Variants in BICRAL observed in about 807,000 individuals in gnomAD.
BICRAL encodes BRD4-interacting chromatin-remodeling complex-associated protein-like.
A neutral mutation model predicts 91.8 loss-of-function variants in BICRAL; 8 were observed. The ratio of observed to expected loss-of-function variants is 0.09; its 90% CI spans 0.05 to 0.16. The LOEUF is 0.16. Ranked by LOEUF, BICRAL falls within the 10% of genes least tolerant of loss-of-function variation. The pLI, the probability that BICRAL is intolerant of heterozygous loss-of-function variation, is 1.00. For synonymous variants in BICRAL, 445 were observed against 491.1 expected, an observed-to-expected ratio of 0.91 and a Z score of 1.24; for missense variants, 1,038 against 1,310.9, an observed-to-expected ratio of 0.79 and a Z score of 3.21.
chr6:42,834,296 A>G (rs1480773729), intron 6 of BICRAL, among the ~76,000 whole-genome samples: 1 of 152,218 alleles, frequency 6.6e-6, no homozygotes, highest in Non-Finnish European at 1.5e-5. Context: ...CTCACCTTGA[A>G]CACTTGCATA....
At chr6:42,768,465 G>C (rs977113318) in intron 1 of BICRAL, among the ~76,000 whole-genome samples, 2 of 152,176 alleles carry the variant, frequency 1.3e-5, no homozygotes, top group African/African-American at 4.8e-5. Flanking sequence ...ACAAAAGGAG[G>C]AGCTGCTTCT....
chr6:42,867,513 T>C lies in BICRAL; in HGVS notation c.*2067T>C, dbSNP rs1442320454. The C allele has an allele frequency of 6.6e-6, 1 of 152,628 alleles. No homozygotes were observed. The highest frequency in any genetic ancestry group is 1.9e-4 in the East Asian group (1 of 5,202). 9.5% of individuals were successfully genotyped at this position (152,628 alleles called of 1,614,324 possible). The stretch of plus-strand genomic sequence containing the variant: ...AACTCCATGATTTCATAGGCTTTTC[T>C]TCCCTTGGGGCTCATGCTCCCCTAA... On this transcript the variant is annotated 3_prime_UTR_variant, in exon 13 of 13. Transcript: ENST00000314073.
At chr6:42,856,925 G>A (rs1026912876) in intron 9 of BICRAL, among the ~76,000 whole-genome samples, 166 bp from the exon 10 acceptor site, 6 of 151,752 alleles carry the variant, frequency 4.0e-5, no homozygotes, top group African/African-American at 1.5e-4. Context: ...TCCTCTGTGG[G>A]GCTAGTTAAA....
intron 1 of BICRAL, among the ~76,000 whole-genome samples, chr6:42,755,699 T>C (rs1402006388): frequency 2.6e-5 from 4 of 151,396 alleles, no homozygotes; most frequent in African/African-American, 9.7e-5. Flanking sequence ...AGATGGAGTC[T>C]TGCTCTGTTG....
intron 1 of BICRAL, among the ~76,000 whole-genome samples, chr6:42,763,048 C>A (rs922260548): frequency 6.6e-6 from 1 of 152,126 alleles, no homozygotes; most frequent in Admixed American, 6.6e-5. Flanking sequence ...GAGCCTCTGC[C>A]CCTTATTGTC....
chr6:42,769,585 GAC>G (rs1305838306), intron 1 of BICRAL, among the ~76,000 whole-genome samples: 1 of 152,182 alleles, frequency 6.6e-6, no homozygotes, highest in Non-Finnish European at 1.5e-5. Flanking sequence ...GGAGCTACAT[GAC>G]ACAGAGTCTG....
chr6:42,768,775 G>C (rs976756285), intron 1 of BICRAL, among the ~76,000 whole-genome samples: 1 of 152,050 alleles, frequency 6.6e-6, no homozygotes, highest in Non-Finnish European at 1.5e-5. Flanking sequence ...CAAAATGGTG[G>C]CATTGCCCCC....
At chr6:42,807,982 G>A (rs1402172831) in intron 1 of BICRAL, among the ~76,000 whole-genome samples, 1 of 151,922 alleles carries the variant, frequency 6.6e-6, no homozygotes, top group Non-Finnish European at 1.5e-5. Flanking sequence ...AAGGTCTTTG[G>A]GAGCACAGTC....
intron 10 of BICRAL, among the ~76,000 whole-genome samples, chr6:42,857,954 G>A (rs1260391858): frequency 2.7e-5 from 4 of 150,078 alleles, no homozygotes; most frequent in African/African-American, 4.9e-5. Flanking sequence ...GATTATAGGC[G>A]CCCACCACCA....
chr6:42,849,002 G>A (rs1051375867), intron 6 of BICRAL, among the ~76,000 whole-genome samples: 3 of 152,146 alleles, frequency 2.0e-5, no homozygotes, highest in Non-Finnish European at 2.9e-5. Context: ...AGATTTTCAC[G>A]TTGACCCTTC....
At chr6:42,807,823 G>T (rs1562471601) in intron 1 of BICRAL, among the ~76,000 whole-genome samples, 1 of 151,130 alleles carries the variant, frequency 6.6e-6, no homozygotes, top group Non-Finnish European at 1.5e-5. Context: ...AAAAAATAGT[G>T]CACGCCTGTA....
At chr6:42,772,202 A>T (rs1762748088) in intron 1 of BICRAL, among the ~76,000 whole-genome samples, 1 of 150,918 alleles carries the variant, frequency 6.6e-6, no homozygotes, top group African/African-American at 2.5e-5. Context: ...ATCAAGATGC[A>T]TCCTCCATAG....
At chr6:42,842,832 A>T (rs541382184) in intron 6 of BICRAL, among the ~76,000 whole-genome samples, 1 of 151,956 alleles carries the variant, frequency 6.6e-6, no homozygotes, top group Admixed American at 6.6e-5. Flanking sequence ...AGACAGACAG[A>T]TAAGCCAACA....
At chr6:42,843,267 G>C (rs766471072) in intron 6 of BICRAL, among the ~76,000 whole-genome samples, 6 of 152,146 alleles carry the variant, frequency 3.9e-5, no homozygotes, top group African/African-American at 7.2e-5. Flanking sequence ...TGGTCTCTGA[G>C]AGTTACCCAG....
intron 6 of BICRAL, among the ~76,000 whole-genome samples, chr6:42,836,440 G>A (rs1207828284): frequency 6.6e-6 from 1 of 151,910 alleles, no homozygotes; most frequent in Non-Finnish European, 1.5e-5. Context: ...CATTATTTCA[G>A]GTGTTCAAGT....
At chr6:42,811,663 A>G (rs1036370237) in intron 2 of BICRAL, among the ~76,000 whole-genome samples, 52 of 151,562 alleles carry the variant, frequency 3.4e-4, no homozygotes, top group African/African-American at 1.3e-3. Flanking sequence ...GGGTACCCAG[A>G]GTACCAGAGA....
At chr6:42,771,334 T>C (rs1762721765) in intron 1 of BICRAL, among the ~76,000 whole-genome samples, 2 of 152,214 alleles carry the variant, frequency 1.3e-5, no homozygotes, top group South Asian at 4.1e-4. Flanking sequence ...GCGGCCCGGC[T>C]TCATTACGTG....
chr6:42,774,146 G>A (rs754913832), intron 1 of BICRAL, among the ~76,000 whole-genome samples: 27 of 152,230 alleles, frequency 1.8e-4, no homozygotes, highest in East Asian at 1.2e-3. Flanking sequence ...TGAGAGAGAC[G>A]GAGGACTGAA....
chr6:42,816,627 CCTT>C (rs1020941446), intron 2 of BICRAL, among the ~76,000 whole-genome samples: 1 of 152,004 alleles, frequency 6.6e-6, no homozygotes, highest in East Asian at 1.9e-4. Flanking sequence ...CATTTTGTGT[CCTT>C]CTTCTCCTTG....
Sources: allele counts gnomAD v4.1 joint callset (sites outside exome capture counted in the v4.1 genomes callset), GRCh38; gene constraint gnomAD v4.1.1; transcripts MANE v1.5; gene names NCBI Gene and HGNC (gene_info 2026-07-23, HGNC 2026-07-21).